SNAPC1: variants seen among roughly 807,000 people sequenced by gnomAD.
The protein encoded by SNAPC1 is snRNA-activating protein complex subunit 1.
A neutral mutation model predicts 50.1 loss-of-function variants in SNAPC1; 42 were observed. The ratio of observed to expected loss-of-function variants is 0.84; its 90% confidence interval spans 0.65 to 1.08. The LOEUF (loss-of-function observed/expected upper bound fraction) is 1.08, where lower values mean the gene tolerates loss of function less well. Ranked by LOEUF, SNAPC1 falls within the 50% of genes least tolerant of loss-of-function variation. The probability of loss-of-function intolerance (pLI) is 0.00; values close to 1 mark genes in which losing one functional copy is unlikely to be tolerated. For missense variants in SNAPC1, 477 were observed against 427.3 expected (o/e 1.12, Z -1.02); for synonymous variants, 164 against 144.2 (o/e 1.14, Z -0.98).
intron 5 of SNAPC1, 126 bp downstream of exon 5, chr14:61,776,379 T>A: frequency 1.2e-6 from 1 of 815,358 alleles, no homozygotes; most frequent in Non-Finnish European, 1.9e-6. Flanking sequence ...TTTATAGGGC[T>A]TGGCTTTTCT....
chr14:61,774,345 A>C (rs1235785581), intron 4 of SNAPC1, among the ~76,000 whole-genome samples: 3 of 151,876 alleles, frequency 2.0e-5, no homozygotes, highest in Non-Finnish European at 4.4e-5. Flanking sequence ...GAATACTTTC[A>C]CCTGTATAAG....
chr14:61,791,074 C>T (rs775428214), intron 8 of SNAPC1, among the ~76,000 whole-genome samples: 1 of 152,094 alleles, frequency 6.6e-6, no homozygotes, highest in African/African-American at 2.4e-5. Flanking sequence ...TGCAGTGGCG[C>T]GATCTCGGCT....
rs1158969341 is a variant in SNAPC1 at position 61,762,460 on chromosome 14, C to T, written c.-1C>T. 5.3e-6 allele frequency: 6 copies of T among 1,142,768 alleles called. No individual in the cohort carries two copies. In the African/African-American group the frequency reaches 1.0e-4, roughly 19 times the overall value. 70.8% of individuals were successfully genotyped at this position (1,142,768 alleles called of 1,614,324 possible). ...TCGGAGGCGTGCGGGCTTCGGGTGC[C>T]ATGGGGACTCCTCCCGGCCTGCAGA... is the stretch of plus-strand genomic sequence containing the variant. On this transcript the variant is annotated 5_prime_UTR_variant, in exon 1 of 10. Transcript: ENST00000216294.
At chr14:61,775,829 C>A (rs1244490854) in intron 4 of SNAPC1, among the ~76,000 whole-genome samples, 1 of 152,094 alleles carries the variant, frequency 6.6e-6, no homozygotes, top group East Asian at 1.9e-4. Flanking sequence ...TTGTCTTTCC[C>A]CAATGTCTTC....
chr14:61,773,404 T>G (rs1219419341), intron 4 of SNAPC1, among the ~76,000 whole-genome samples: 2 of 144,246 alleles, frequency 1.4e-5, no homozygotes, highest in East Asian at 2.0e-4. Context: ...TTAGTTTTTT[T>G]TTTTTTTTTT....
In SNAPC1 at chr14:61,767,982, A is replaced by G. The variant is rs574284047; in HGVS notation, c.429+630A>G. 1.9e-3 allele frequency among the ~76,000 whole-genome samples: 295 copies of G among 152,088 alleles called. 3 individuals are homozygous for G. Among genetic ancestry groups the G allele is most frequent in the African/African-American group, 6.6e-3 (276 of 41,506 alleles). On this transcript the variant is annotated intron_variant, in intron 3 of 9. Coordinates refer to ENST00000216294, the MANE Select transcript of SNAPC1 (RefSeq NM_003082.4). ...TTTAGTAGAGATGGGGTTTCACCAT[A>G]TTGGTCAGGCTGGTCTTGAACTCCT...
At chr14:61,783,097 A>T (rs2045089310) in intron 8 of SNAPC1, among the ~76,000 whole-genome samples, 1 of 135,574 alleles carries the variant, frequency 7.4e-6, no homozygotes, top group African/African-American at 2.9e-5. Flanking sequence ...ATCTTGGCTC[A>T]CTGCAACCTC....
At chr14:61,792,146 A>G (rs2045156758) in intron 8 of SNAPC1, among the ~76,000 whole-genome samples, 1 of 152,062 alleles carries the variant, frequency 6.6e-6, no homozygotes, top group African/African-American at 2.4e-5. Context: ...ATCAAATGAT[A>G]AAAGTGTTGG....
In SNAPC1 at chr14:61,768,725, T is replaced by C. The variant is rs375244941; in HGVS notation, c.519T>C (p.Thr173=). 7 of 1,587,886 alleles carry C rather than the reference T, an allele frequency of 4.4e-6. No homozygotes were observed. The highest frequency in any genetic ancestry group is 1.7e-4 in the Middle Eastern group (1 of 6,018). The part of the protein sequence containing the change: ...DPSDRVMKLI[T]SDVLEEMLNV... ...GTGATCGTGTGATGAAACTTATCAC[T>C]TCTGATGTATTAGAGGTAAATTTTC... The change falls in exon 4 of 10, where the codon ACT becomes ACC. Residue 173 remains threonine, a synonymous_variant. Transcript: ENST00000216294.
intron 4 of SNAPC1, among the ~76,000 whole-genome samples, chr14:61,769,545 G>T (rs1205369426): frequency 6.6e-6 from 1 of 151,594 alleles, no homozygotes; most frequent in East Asian, 2.0e-4. Flanking sequence ...CCACAGGCGT[G>T]TGCCACCATG....
At chr14:61,794,928 T>C (rs762916362) in intron 9 of SNAPC1, 21 bp from the exon 10 acceptor site, 5 of 1,560,790 alleles carry the variant, frequency 3.2e-6, no homozygotes, top group Non-Finnish European at 2.6e-6. Context: ...TCTGACTGAC[T>C]TTTAAACTTT....
intron 1 of SNAPC1, among the ~76,000 whole-genome samples, chr14:61,764,926 G>A (rs970692254): frequency 1.3e-5 from 2 of 151,534 alleles, no homozygotes; most frequent in South Asian, 2.1e-4. Flanking sequence ...AATAGAGCCC[G>A]TGTTTATGGC....
In SNAPC1 at chr14:61,776,263, C is replaced by A; in HGVS notation, c.693+10C>A. ...GCACAAAGACAGAAAGGTATGCAAT[C>A]ACTTGTTTGGTGCCTCACCATTGTA... On this transcript the variant is annotated intron_variant, in intron 5 of 9. Transcript: ENST00000216294. The A allele has an allele frequency of 6.2e-7, 1 of 1,606,046 alleles. No individual in the cohort carries two copies. Among genetic ancestry groups the A allele is most frequent in the South Asian group, 1.1e-5 (1 of 90,082 alleles).
chr14:61,778,524 A>G (rs2045050812), intron 6 of SNAPC1, among the ~76,000 whole-genome samples: 1 of 152,210 alleles, frequency 6.6e-6, no homozygotes, highest in Non-Finnish European at 1.5e-5. Context: ...ACAAGGAGCC[A>G]TCTTTGAGTA....
intron 4 of SNAPC1, 37 bp downstream of exon 4, chr14:61,768,777 A>C: frequency 9.1e-7 from 1 of 1,102,688 alleles, no homozygotes; most frequent in Non-Finnish European, 1.4e-6. Context: ...ATTTTTAAAA[A>C]TTGTTTTATT....
At chr14:61,762,673 T>C (rs2140171897) in intron 1 of SNAPC1, 85 bp downstream of exon 1, 1 of 1,518,542 alleles carries the variant, frequency 6.6e-7, no homozygotes, top group South Asian at 1.2e-5. Context: ...ATTGCACTTG[T>C]GAAGGGCTGA....
At position 61,776,172 on chromosome 14, in the gene SNAPC1, C is replaced by A; in HGVS notation, c.612C>A (p.Ala204=). The A allele has an allele frequency of 3.1e-6, 5 of 1,611,560 alleles. No individual in the cohort carries two copies. Among genetic ancestry groups the A allele is most frequent in the Non-Finnish European group, 3.4e-6 (4 of 1,178,346 alleles). Residue 204 remains alanine (A), a synonymous_variant, in exon 5 of 10, where the codon GCC becomes GCA. Coordinates refer to ENST00000216294, the MANE Select transcript of SNAPC1 (RefSeq NM_003082.4). ...TTGATAAGTCCAAGCCAGATAAAGC[C>A]CTCAGCTTGATAAAGGATGATTTTT... ...ISVDKSKPDK[A]LSLIKDDFFD...
rs17099226 is a variant in SNAPC1, at chr14:61,778,608, T to C, written c.763-240T>C. Among the ~76,000 whole-genome samples, 970 of 152,334 alleles carry C rather than the reference T, an allele frequency of 6.4e-3. 5 individuals carry two copies. The highest frequency in any genetic ancestry group is 0.022 in the African/African-American group (927 of 41,570). On this transcript the variant is annotated intron_variant, in intron 6 of 9. Transcript: ENST00000216294. ...AGGCTTTCATTCATACTGTCCTCCT[T>C]GAATCCTGAATGAAAATGATCTCTA...
In SNAPC1 at chr14:61,774,001, G is replaced by A. The variant is rs1476967430; in HGVS notation, c.535-2094G>A. Among the ~76,000 whole-genome samples the A allele has an allele frequency of 4.6e-5, 7 of 152,124 alleles. No homozygotes were observed. In the South Asian group the frequency reaches 1.4e-3, roughly 32 times the overall value. ...TGGGATTACAGGCATGAGCCATCGTGCACGGCCCCCAGTTTTAAAAATAAG... is the reference window on the plus strand; with the variant it reads ...TGGGATTACAGGCATGAGCCATCGTACACGGCCCCCAGTTTTAAAAATAAG... On this transcript the variant is annotated intron_variant, in intron 4 of 9. Transcript: ENST00000216294.
Sources: allele counts gnomAD v4.1 joint callset (sites outside exome capture counted in the v4.1 genomes callset), GRCh38; gene constraint gnomAD v4.1.1; transcripts MANE v1.5; gene names NCBI Gene and HGNC (gene_info 2026-07-23, HGNC 2026-07-21).